Variants in NCAPD2 observed in about 807,000 individuals in gnomAD.
The protein encoded by NCAPD2 is condensin complex subunit 1.
NCAPD2 carries 100 observed loss-of-function variants against 164.5 expected under a neutral mutation model. The ratio of observed to expected loss-of-function variants is 0.61; its 90% CI spans 0.52 to 0.72. The LOEUF (loss-of-function observed/expected upper bound fraction) is 0.72, where lower values mean the gene tolerates loss of function less well. Among genes scored for constraint, NCAPD2 ranks in the 30% least tolerant of loss-of-function variants. The pLI, the probability that NCAPD2 is intolerant of heterozygous loss-of-function variation, is 0.00. For missense variants in NCAPD2, 1,560 were observed against 1,749.2 expected (o/e 0.89, Z 1.93); for synonymous variants, 585 against 642.6 (o/e 0.91, Z 1.36).
chr12:6,498,096 A>G (rs978578816), intron 2 of NCAPD2, among the ~76,000 whole-genome samples: 4 of 151,882 alleles, frequency 2.6e-5, no homozygotes, highest in African/African-American at 9.7e-5. Flanking sequence ...ATTTGTAGCA[A>G]CGAGGTTTTG....
rs1946184606 is a variant in NCAPD2, at chr12:6,514,889, T to C, written c.956T>C (p.Met319Thr). The C allele has an allele frequency of 6.2e-7, 1 of 1,614,110 alleles. No individual in the cohort carries two copies. The highest frequency in any genetic ancestry group is 1.7e-5 in the Admixed American group (1 of 60,002). The change falls in exon 9 of 32, where the codon ATG becomes ACG. Residue 319 changes from methionine to threonine, a missense_variant. By Grantham distance (81) the Met-to-Thr change is moderately conservative. Coordinates refer to ENST00000315579, the MANE Select transcript of NCAPD2 (RefSeq NM_014865.4). ...GTCCCAGCTATCCTGATGTCCAGCA[T>C]GTGCATTTTGCTAGATCACCTGGAT... is the stretch of plus-strand genomic sequence containing the variant. ...ERVPAILMSS[M>T]CILLDHLDGE...
chr12:6,504,232 T>C (rs201967883), intron 2 of NCAPD2, among the ~76,000 whole-genome samples: 46,679 of 102,274 alleles, frequency 0.46, 10,309 homozygotes, highest in African/African-American at 0.56. Context: ...TAGATATATA[T>C]ATATATATAT....
Position 6,521,089 on chromosome 12 carries a change from A to G in NCAPD2, c.1693A>G (p.Ile565Val), listed in dbSNP as rs749675666. 2 of 1,614,164 alleles carry G rather than the reference A, an allele frequency of 1.2e-6. No homozygotes were observed. Among genetic ancestry groups the G allele is most frequent in the Non-Finnish European group, 1.7e-6 (2 of 1,180,014 alleles). ...EESEETRLLN[I>V]LGLIFKGPAA... ...GTCAGAGGAGACCAGGCTCTTGAATATCTTAGGACTTATCTTCAAAGGTAA... is the reference window on the plus strand; with the variant it reads ...GTCAGAGGAGACCAGGCTCTTGAATGTCTTAGGACTTATCTTCAAAGGTAA... Residue 565 changes from isoleucine (I) to valine (V), a missense_variant, in exon 14 of 32, where the codon ATC (isoleucine) becomes GTC (valine). Transcript: ENST00000315579.
At chr12:6,500,072 A>G (rs1194676001) in intron 2 of NCAPD2, among the ~76,000 whole-genome samples, 1 of 152,104 alleles carries the variant, frequency 6.6e-6, no homozygotes. Context: ...GCAGTGAGCC[A>G]TGATCATGCC....
intron 2 of NCAPD2, among the ~76,000 whole-genome samples, chr12:6,500,128 GA>G (rs900232277): frequency 1.3e-5 from 2 of 150,258 alleles, no homozygotes; most frequent in East Asian, 1.9e-4. Flanking sequence ...TTTCAAAAAA[GA>G]AAAAAAAAGA....
At chr12:6,519,190 TG>T (rs1404487958) in intron 13 of NCAPD2, among the ~76,000 whole-genome samples, 1 of 152,142 alleles carries the variant, frequency 6.6e-6, no homozygotes, top group East Asian at 1.9e-4. Context: ...GTGCCCGGCT[TG>T]GGCTGTTTTT....
intron 2 of NCAPD2, among the ~76,000 whole-genome samples, chr12:6,503,215 G>A (rs1565539195): frequency 6.6e-6 from 1 of 152,018 alleles, no homozygotes; most frequent in Non-Finnish European, 1.5e-5. Flanking sequence ...ACAGAGAAGT[G>A]AATATGTGAT....
Position 6,531,511 on chromosome 12 carries a change from T to TAAAAAA in NCAPD2, c.*106_*111dup. ...AAAATATTTGTCTGTCTCTTTTTTT[T>TAAAAAA]AAAAAAAAAAAAGGCCGGGCACTGT... is the stretch of plus-strand genomic sequence containing the variant. On this transcript the variant is annotated 3_prime_UTR_variant, in exon 32 of 32. Coordinates refer to ENST00000315579, the MANE Select transcript of NCAPD2 (RefSeq NM_014865.4). The surrounding 1 kb of genome is among the most constrained non-coding windows in gnomAD (Gnocchi z 4.1). 1.5e-6 allele frequency: 2 copies of TAAAAAA among 1,360,026 alleles called. No individual in the cohort carries two copies. Among genetic ancestry groups the TAAAAAA allele is most frequent in the African/African-American group, 1.5e-5 (1 of 67,248 alleles). The allele number at this position is 1,360,026 out of a possible 1,614,324, so 84.2% of individuals were successfully genotyped here.
intron 2 of NCAPD2, among the ~76,000 whole-genome samples, chr12:6,504,216 T>TATATATATATATATACAC (rs1406807438): frequency 4.3e-5 from 1 of 23,238 alleles, no homozygotes; most frequent in Non-Finnish European, 7.9e-5. Context: ...TATATATATA[T>TATATATATATATATACAC]AGATATAGAT....
rs773044965 is a variant in NCAPD2 at position 6,521,835 on chromosome 12, G to A, written c.1752G>A (p.Glu584=). The change falls in exon 15 of 32, where the codon GAG becomes GAA. Residue 584 remains glutamate (E), a synonymous_variant. Transcript: ENST00000315579. ...AASTQEKNPR[E]STGNMVTGQT... is the part of the protein sequence containing the mutation. ...CCACACAAGAAAAGAATCCCCGGGAGTCTACAGGAAACATGGTCACAGGAC... is the reference window on the plus strand; with the variant it reads ...CCACACAAGAAAAGAATCCCCGGGAATCTACAGGAAACATGGTCACAGGAC... 2.9e-5 allele frequency: 47 copies of A among 1,613,972 alleles called. No individual in the cohort carries two copies. Among genetic ancestry groups the A allele is most frequent in the South Asian group, 9.9e-5 (9 of 91,078 alleles).
At chr12:6,529,132 T>G (rs1946347611) in intron 27 of NCAPD2, 93 bp downstream of exon 27, 3 of 1,165,272 alleles carry the variant, frequency 2.6e-6, no homozygotes, top group Non-Finnish European at 3.8e-6. Context: ...CGGCTACTCT[T>G]TAGCTGTACA....
chr12:6,502,427 G>A (rs1021821956), intron 2 of NCAPD2, among the ~76,000 whole-genome samples: 8 of 152,160 alleles, frequency 5.3e-5, no homozygotes, highest in African/African-American at 1.9e-4. Context: ...AATAGACTTG[G>A]GAGTACGAAT....
rs1946283924 is a variant in NCAPD2 at position 6,523,330 on chromosome 12, A to C, written c.2198A>C (p.Gln733Pro). Residue 733 changes from glutamine to proline, a missense_variant, in exon 17 of 32, where the codon CAG becomes CCG. Transcript: ENST00000315579. ...GTGGATGCCTCGGTTGGGACCATTC[A>C]GTGTCTTGAGGAAATTGTAAGGCTT... Reference protein sequence around the residue: ...LLVDASVGTIQCLEEILCEFV... With the variant: ...LLVDASVGTIPCLEEILCEFV... 6.2e-7 allele frequency: 1 copy of C among 1,612,470 alleles called. No individual in the cohort carries two copies. The highest frequency in any genetic ancestry group is 2.2e-5 in the East Asian group (1 of 44,834).
In NCAPD2 at chr12:6,527,989, T is replaced by C. The variant is rs763458491; in HGVS notation, c.3041T>C (p.Phe1014Ser). The C allele has an allele frequency of 6.2e-7, 1 of 1,614,238 alleles. No homozygotes were observed. Among genetic ancestry groups the C allele is most frequent in the Non-Finnish European group, 8.5e-7 (1 of 1,180,046 alleles). Residue 1014 changes from phenylalanine (F) to serine (S), a missense_variant, in exon 24 of 32, where the codon TTT (phenylalanine) becomes TCT (serine). Physicochemically the swap from Phe to Ser is radical, Grantham distance 155. Transcript: ENST00000315579. ...ACAGGCAAACAGACACTGGCTGCCT[T>C]TGTTCCACTCTTGCTTAAAGTCTGT... is the stretch of plus-strand genomic sequence containing the variant. ...LLDGKQTLAA[F>S]VPLLLKVCNN...
At position 6,527,024 on chromosome 12, in the gene NCAPD2, G is replaced by A; in HGVS notation, c.2868G>A (p.Arg956=). 1 of 1,613,788 alleles carries A rather than the reference G, an allele frequency of 6.2e-7. No homozygotes were observed. Among genetic ancestry groups the A allele is most frequent in the South Asian group, 1.1e-5 (1 of 91,038 alleles). The change falls in exon 22 of 32, where the codon CGG becomes CGA. Residue 956 remains arginine, a synonymous_variant. Coordinates refer to ENST00000315579, the MANE Select transcript of NCAPD2 (RefSeq NM_014865.4). ...AGCTCTGCCGGCGCCGAGTTCTCCGGGAAGAACAGGAGCACAAGACCAAAG... is the reference window on the plus strand; with the variant it reads ...AGCTCTGCCGGCGCCGAGTTCTCCGAGAAGAACAGGAGCACAAGACCAAAG... The part of the protein sequence containing the change: ...SGELCRRRVL[R]EEQEHKTKDP...
Position 6,527,809 on chromosome 12 carries a change from G to T in NCAPD2, c.2940G>T (p.Glu980Asp). 6.2e-7 allele frequency: 1 copy of T among 1,613,778 alleles called. No individual in the cohort carries two copies. The change falls in exon 23 of 32, where the codon GAG becomes GAT. Residue 980 changes from glutamate (E) to aspartate (D), a missense_variant. Transcript: ENST00000315579. ...NTSSETTMEE[E>D]LGLVGATADD... ...GCTCTGAGACCACCATGGAGGAGGA[G>T]CTGGGGCTGGTTGGGGCAACAGCAG...
chr12:6,507,003 A>G (rs1474995422), intron 2 of NCAPD2, among the ~76,000 whole-genome samples: 2 of 152,256 alleles, frequency 1.3e-5, no homozygotes, highest in Non-Finnish European at 2.9e-5. Flanking sequence ...TAATACTCTA[A>G]TAGAAATGAG....
intron 2 of NCAPD2, among the ~76,000 whole-genome samples, chr12:6,504,182 CAT>C (rs1176237960): frequency 0.046 from 2,656 of 57,418 alleles, 53 homozygotes; most frequent in East Asian, 0.059. Flanking sequence ...TATATATATA[CAT>C]ATATATATAT....
rs61763002 is a variant in NCAPD2, at chr12:6,525,652, G to A, written c.2284G>A (p.Glu762Lys). The change falls in exon 18 of 32, where the codon GAG becomes AAG. Residue 762 changes from glutamate (E) to lysine (K), a missense_variant. Physicochemically the swap from Glu to Lys is moderately conservative, Grantham distance 56. Transcript: ENST00000315579. ...VTQLLWERAT[E>K]KVACCPLERC... is the part of the protein sequence containing the mutation. Reference sequence around the variant, plus strand: ...CCAGCTGCTGTGGGAGCGGGCCACCGAGAAGGTCGCCTGCTGTCCTCTGGA... The same window carrying A: ...CCAGCTGCTGTGGGAGCGGGCCACCAAGAAGGTCGCCTGCTGTCCTCTGGA... The A allele has an allele frequency of 1.2e-5, 19 of 1,613,476 alleles. No homozygotes were observed. The African/African-American group carries it at 1.3e-4, about 11-fold the overall frequency.
Sources: allele counts gnomAD v4.1 joint callset (sites outside exome capture counted in the v4.1 genomes callset), GRCh38; gene constraint gnomAD v4.1.1; non-coding constraint Gnocchi (gnomAD v3.1); transcripts MANE v1.5; gene names NCBI Gene and HGNC (gene_info 2026-07-23, HGNC 2026-07-21).